Variants in EPHB1 observed in about 807,000 individuals in gnomAD.
EPHB1 encodes the protein ephrin type-B receptor 1.
Under a neutral mutation model 94.4 loss-of-function variants are expected in EPHB1, and 30 were observed. The observed-to-expected ratio is 0.32, with a 90% CI of 0.24 to 0.43. The LOEUF (loss-of-function observed/expected upper bound fraction) is 0.43. EPHB1 is among the 20% of genes least tolerant of loss of function. The pLI is 1.00. For missense variants in EPHB1, 1,055 were observed against 1,308.3 expected (o/e 0.81, Z 2.99); for synonymous variants, 522 against 489.1 (o/e 1.07, Z -0.89).
At chr3:135,016,337 G>A (rs1935795101) in intron 3 of EPHB1, among the ~76,000 whole-genome samples, 1 of 152,174 alleles carries the variant, frequency 6.6e-6, no homozygotes, top group South Asian at 2.1e-4. Flanking sequence ...TGGGTTTGAT[G>A]GTTTCAGATT....
chr3:135,125,073 G>A (rs1559841431), intron 4 of EPHB1, among the ~76,000 whole-genome samples: 1 of 151,636 alleles, frequency 6.6e-6, no homozygotes. Flanking sequence ...TGCTTGGTCT[G>A]TTTTTTTCTG....
chr3:135,143,439 T>G (rs1940896260), intron 5 of EPHB1, among the ~76,000 whole-genome samples: 1 of 151,686 alleles, frequency 6.6e-6, no homozygotes, highest in African/African-American at 2.4e-5. Context: ...AGCCTTAGGG[T>G]GGTGGTGGTG....
At chr3:134,995,623 G>A (rs533634361) in intron 3 of EPHB1, among the ~76,000 whole-genome samples, 3 of 152,132 alleles carry the variant, frequency 2.0e-5, no homozygotes, top group African/African-American at 7.2e-5. Flanking sequence ...AAACAGAATG[G>A]CTAAAATAAA....
At chr3:135,109,374 C>T (rs188538705) in intron 4 of EPHB1, among the ~76,000 whole-genome samples, 199 of 152,322 alleles carry the variant, frequency 1.3e-3, no homozygotes, top group African/African-American at 4.4e-3. Context: ...TTTATTCTCA[C>T]GACTTCATAA....
chr3:135,005,118 G>A (rs1172574354), intron 3 of EPHB1, among the ~76,000 whole-genome samples: 1 of 152,174 alleles, frequency 6.6e-6, no homozygotes, highest in Non-Finnish European at 1.5e-5. Flanking sequence ...TGATGATGGT[G>A]ATGTACAGAT....
rs534891128 is a variant in EPHB1 at position 134,869,906 on chromosome 3, TG to T, written c.59-55906del. 4.7e-4 allele frequency among the ~76,000 whole-genome samples: 71 copies of T among 152,214 alleles called. No homozygotes were observed. In the East Asian group the frequency reaches 0.013, roughly 29 times the overall value. On this transcript the variant is annotated intron_variant, in intron 1 of 15. Transcript: ENST00000398015. Reference sequence around the variant, plus strand: ...GACAAATACAGCTGGCAAACAGGTGTGGGGACAAACACAGCAGACCTTGGGT... The same window carrying T: ...GACAAATACAGCTGGCAAACAGGTGTGGGACAAACACAGCAGACCTTGGGT...
chr3:135,222,108 A>C (rs1943289016), intron 12 of EPHB1, among the ~76,000 whole-genome samples: 1 of 151,402 alleles, frequency 6.6e-6, no homozygotes, highest in Admixed American at 6.6e-5. Flanking sequence ...CTCTGCTCCT[A>C]ACATATTATT....
intron 3 of EPHB1, among the ~76,000 whole-genome samples, chr3:135,027,728 G>T (rs1376914649): frequency 6.9e-6 from 1 of 145,914 alleles, no homozygotes; most frequent in South Asian, 2.3e-4. Flanking sequence ...TCAGAATGAT[G>T]CTGGCCTCAT....
intron 9 of EPHB1, among the ~76,000 whole-genome samples, chr3:135,172,003 T>C (rs1941816835): frequency 3.3e-5 from 5 of 152,190 alleles, no homozygotes; most frequent in Admixed American, 3.3e-4. Flanking sequence ...AAACAGTGTC[T>C]TGATAAGGGT....
intron 3 of EPHB1, among the ~76,000 whole-genome samples, chr3:134,975,744 T>C (rs1428541348): frequency 6.7e-6 from 1 of 150,228 alleles, no homozygotes; most frequent in Non-Finnish European, 1.5e-5. Flanking sequence ...TTTAAACTAT[T>C]CGTAAGGATA....
intron 3 of EPHB1, among the ~76,000 whole-genome samples, chr3:135,093,817 A>G (rs977249224): frequency 6.6e-6 from 1 of 152,242 alleles, no homozygotes; most frequent in Non-Finnish European, 1.5e-5. Context: ...TAAAATGTGC[A>G]TAATCTCATC....
intron 15 of EPHB1, among the ~76,000 whole-genome samples, chr3:135,251,350 G>A (rs1933087719): frequency 6.6e-6 from 1 of 152,122 alleles, no homozygotes; most frequent in Non-Finnish European, 1.5e-5. Context: ...AGAAATGGGT[G>A]TTTATGAAGA....
At chr3:134,966,262 C>G (rs960833617) in intron 3 of EPHB1, among the ~76,000 whole-genome samples, 1 of 152,158 alleles carries the variant, frequency 6.6e-6, no homozygotes. Flanking sequence ...GGCCAGCCCC[C>G]GTGCAAATCA....
chr3:135,234,635 A>G (rs1256407062), intron 12 of EPHB1, among the ~76,000 whole-genome samples: 2 of 152,236 alleles, frequency 1.3e-5, no homozygotes, highest in Admixed American at 6.5e-5. Flanking sequence ...AAGAGGTTTA[A>G]TTGACTCACA....
intron 1 of EPHB1, among the ~76,000 whole-genome samples, chr3:134,900,780 G>A (rs545513317): frequency 1.3e-5 from 2 of 152,196 alleles, no homozygotes; most frequent in East Asian, 1.9e-4. Context: ...TGTACATGGT[G>A]TGCATTTGTG....
intron 3 of EPHB1, among the ~76,000 whole-genome samples, chr3:135,029,152 A>G (rs189863258): frequency 0.064 from 2,155 of 33,654 alleles, 191 homozygotes; most frequent in African/African-American, 0.12. Flanking sequence ...TGAATACAGC[A>G]CACTGATGGG....
At chr3:135,104,320 G>A (rs550439729) in intron 3 of EPHB1, among the ~76,000 whole-genome samples, 1 of 152,234 alleles carries the variant, frequency 6.6e-6, no homozygotes, top group Non-Finnish European at 1.5e-5. Context: ...CGTAATGAGT[G>A]GGCTGGGAAA....
intron 4 of EPHB1, among the ~76,000 whole-genome samples, chr3:135,132,294 AG>A (rs1940447961): frequency 6.6e-6 from 1 of 152,090 alleles, no homozygotes; most frequent in Admixed American, 6.5e-5. Flanking sequence ...GGGTTTTTGG[AG>A]GGGCCACTCA....
intron 3 of EPHB1, among the ~76,000 whole-genome samples, chr3:134,988,166 C>T (rs1368799445): frequency 6.6e-6 from 1 of 152,200 alleles, no homozygotes; most frequent in Non-Finnish European, 1.5e-5. Flanking sequence ...CCTTGATCTC[C>T]TGTCTGAGCC....
Sources: allele counts gnomAD v4.1 joint callset (sites outside exome capture counted in the v4.1 genomes callset), GRCh38; gene constraint gnomAD v4.1.1; transcripts MANE v1.5; gene names NCBI Gene and HGNC (gene_info 2026-07-23, HGNC 2026-07-21).